The following CEP85L variants were observed in gnomAD, a reference collection of about 807,000 sequenced individuals.
The protein encoded by CEP85L is centrosomal protein 85L.
A neutral mutation model predicts 100.3 loss-of-function variants in CEP85L; 60 were observed. That is an observed-to-expected ratio of 0.60 (90% CI 0.49 to 0.74). The LOEUF is 0.74. CEP85L is among the 30% of genes least tolerant of loss of function. CEP85L has a pLI of 0.00. For missense variants in CEP85L, 973 were observed against 936.2 expected, an observed-to-expected ratio of 1.04 and a Z score of -0.51; for synonymous variants, 319 against 322.7, an observed-to-expected ratio of 0.99 and a Z score of 0.12.
At chr6:118,622,975 T>C (rs1341017205) in intron 2 of CEP85L, among the ~76,000 whole-genome samples, 1 of 152,136 alleles carries the variant, frequency 6.6e-6, no homozygotes, top group African/African-American at 2.4e-5. Context: ...CGAAACAGAA[T>C]GGGGACTCTC....
intron 5 of CEP85L, among the ~76,000 whole-genome samples, chr6:118,497,209 C>A (rs1774981110): frequency 6.6e-6 from 1 of 152,194 alleles, no homozygotes; most frequent in South Asian, 2.1e-4. Context: ...AACTTCAAGT[C>A]TCCATACATT....
At chr6:118,627,938 T>C (rs1286770674) in intron 2 of CEP85L, among the ~76,000 whole-genome samples, 1 of 152,128 alleles carries the variant, frequency 6.6e-6, no homozygotes, top group Non-Finnish European at 1.5e-5. Context: ...AAGCTCCCTG[T>C]AGCCATCCTG....
rs75596404 is a variant in CEP85L, at chr6:118,635,278, A to T, written c.74-2667T>A. Among the ~76,000 whole-genome samples the T allele has an allele frequency of 3.7e-3, 564 of 152,328 alleles. 3 individuals carry two copies. The highest frequency in any genetic ancestry group is 0.013 in the African/African-American group (538 of 41,574). On this transcript the variant is annotated intron_variant, in intron 1 of 12. Transcript: ENST00000368491. ...TTTAAGTGCTAAAAATGATTTTATC[A>T]ACCTATTTTTTAACATGGAAGAACA...
At chr6:118,555,868 T>C (rs1778836362) in intron 3 of CEP85L, among the ~76,000 whole-genome samples, 1 of 152,214 alleles carries the variant, frequency 6.6e-6, no homozygotes, top group South Asian at 2.1e-4. Flanking sequence ...GTTCTTATCA[T>C]CTTGCTCCCA....
At chr6:118,658,919 G>A (rs557825697) in intron 1 of CEP85L, among the ~76,000 whole-genome samples, 2 of 152,082 alleles carry the variant, frequency 1.3e-5, no homozygotes, top group East Asian at 3.9e-4. Context: ...CTACTTTGCG[G>A]CATAAACAAG....
In CEP85L at chr6:118,709,220, C is replaced by T. The variant is rs1020729151; in HGVS notation, c.-28+816G>A. Among the ~76,000 whole-genome samples, 5 of 152,176 alleles carry T rather than the reference C, an allele frequency of 3.3e-5. No individual in the cohort carries two copies. The East Asian group carries it at 7.7e-4, about 23-fold the overall frequency. ...GAAATCATGAGAACATTCCCCCAGT[C>T]TAAGTGCTGCCTGGCTTTACTCCCA... On this transcript the variant is annotated intron_variant, in intron 1 of 13. Coordinates refer to the CEP85L transcript ENST00000368488.
chr6:118,486,933 A>G (rs1377608617), intron 6 of CEP85L, among the ~76,000 whole-genome samples: 1 of 152,182 alleles, frequency 6.6e-6, no homozygotes, highest in East Asian at 1.9e-4. Flanking sequence ...GAATTCATTC[A>G]ACATGCCAGG....
intron 3 of CEP85L, among the ~76,000 whole-genome samples, chr6:118,537,009 T>C (rs1039151603): frequency 6.6e-6 from 1 of 152,094 alleles, no homozygotes; most frequent in South Asian, 2.1e-4. Context: ...AAAATATACA[T>C]CTTGACAATA....
In CEP85L at chr6:118,600,801, TA is replaced by T. The variant is rs35378654; in HGVS notation, c.232+31651del. Among the ~76,000 whole-genome samples the T allele has an allele frequency of 1.6e-3, 229 of 146,968 alleles. 5 individuals are homozygous for T. In the South Asian group the frequency reaches 0.028, roughly 18 times the overall value. ...CCTGCCTTCAGAGGGTTGTCTTTTTTAAAAAAAAAAAAAATCTTGAGTTTTA... is the reference window on the plus strand; with the variant it reads ...CCTGCCTTCAGAGGGTTGTCTTTTTTAAAAAAAAAAAAATCTTGAGTTTTA... On this transcript the variant is annotated intron_variant, in intron 2 of 12. Transcript: ENST00000368491.
chr6:118,491,373 G>T, intron 6 of CEP85L: 2 of 679,574 alleles, frequency 2.9e-6, no homozygotes, highest in Non-Finnish European at 3.8e-6. Context: ...AACCCTTTAT[G>T]CCCAACATGA....
At chr6:118,549,308 C>A (rs924410708) in intron 3 of CEP85L, among the ~76,000 whole-genome samples, 1 of 151,778 alleles carries the variant, frequency 6.6e-6, no homozygotes, top group Non-Finnish European at 1.5e-5. Flanking sequence ...AAAATAAATG[C>A]CAGGAATGGA....
At chr6:118,636,239 T>C (rs1774485790) in intron 1 of CEP85L, among the ~76,000 whole-genome samples, 1 of 152,210 alleles carries the variant, frequency 6.6e-6, no homozygotes, top group Non-Finnish European at 1.5e-5. Context: ...TTCAACTGAT[T>C]CATAAGTAAC....
At chr6:118,528,832 AT>A (rs1026575303) in intron 3 of CEP85L, among the ~76,000 whole-genome samples, 1 of 152,204 alleles carries the variant, frequency 6.6e-6, no homozygotes, top group African/African-American at 2.4e-5. Context: ...GAATAAAAAA[AT>A]CATATTGTGA....
At chr6:118,470,048 G>A (rs144429575) in intron 11 of CEP85L, among the ~76,000 whole-genome samples, 1 of 152,224 alleles carries the variant, frequency 6.6e-6, no homozygotes, top group East Asian at 1.9e-4. Flanking sequence ...GTGGGGGGAA[G>A]CATCTATGTT....
upstream of CEP85L, chr6:118,656,668 G>A (rs565665380): frequency 1.3e-5 from 2 of 152,058 alleles, no homozygotes; most frequent in Non-Finnish European, 2.9e-5. Flanking sequence ...CATATTTTGG[G>A]CATATATGTG....
In CEP85L at chr6:118,658,102, A is replaced by G. The variant is rs9398492; in HGVS notation, c.-27-5294T>C. ...GAATCTGAGCTAATTTAAGGAGTGG[A>G]CCTTTTTGCTAAGATTTCAGTGGAG... is the stretch of plus-strand genomic sequence containing the variant. On this transcript the variant is annotated intron_variant, in intron 1 of 13. Transcript: ENST00000368488. Among the ~76,000 whole-genome samples, 82 of 152,298 alleles carry G rather than the reference A, an allele frequency of 5.4e-4. No individual in the cohort carries two copies. The East Asian group carries it at 9.2e-3, about 17-fold the overall frequency.
intron 1 of CEP85L, among the ~76,000 whole-genome samples, chr6:118,645,922 A>T (rs1267309638): frequency 6.6e-6 from 1 of 152,210 alleles, no homozygotes. Context: ...AAATATTGGT[A>T]TGAAAAGTAA....
intron 1 of CEP85L, among the ~76,000 whole-genome samples, chr6:118,650,078 T>C (rs1583225017): frequency 6.6e-6 from 1 of 152,226 alleles, no homozygotes. Flanking sequence ...TGCTTTTTTG[T>C]TTTGTAAATA....
intron 3 of CEP85L, chr6:118,558,685 A>G (rs892278698): frequency 7.7e-6 from 4 of 520,186 alleles, no homozygotes; most frequent in East Asian, 3.4e-5. Flanking sequence ...AGAGAGAGAG[A>G]GAGGGAGAGA....
Sources: allele counts gnomAD v4.1 joint callset (sites outside exome capture counted in the v4.1 genomes callset), GRCh38; gene constraint gnomAD v4.1.1; transcripts MANE v1.5; gene names NCBI Gene and HGNC (gene_info 2026-07-23, HGNC 2026-07-21).